The following CCDC149 variants were observed in gnomAD, a reference collection of about 807,000 sequenced individuals.
CCDC149 encodes the protein coiled-coil domain-containing protein 149.
Under a neutral mutation model 59.9 loss-of-function variants are expected in CCDC149, and 45 were observed. The observed-to-expected ratio is 0.75, with a 90% CI of 0.59 to 0.96. The LOEUF (loss-of-function observed/expected upper bound fraction) is 0.96, where lower values mean the gene tolerates loss of function less well. CCDC149 is among the 40% of genes least tolerant of loss of function. The pLI is 0.00. For missense variants in CCDC149, 584 were observed against 664.7 expected (o/e 0.88, Z 1.33); for synonymous variants, 245 against 260.6 (o/e 0.94, Z 0.58).
chr4:24,865,748 A>T (rs1718656010), intron 3 of CCDC149, among the ~76,000 whole-genome samples: 1 of 152,134 alleles, frequency 6.6e-6, no homozygotes, highest in Admixed American at 6.5e-5. Flanking sequence ...CCACTTAGTG[A>T]CTCCATTAAT....
chr4:24,908,443 A>C (rs1259184802), intron 1 of CCDC149, among the ~76,000 whole-genome samples: 2 of 151,744 alleles, frequency 1.3e-5, no homozygotes, highest in Admixed American at 1.3e-4. Flanking sequence ...CATGCCTATA[A>C]TCCCATCACT....
intron 1 of CCDC149, among the ~76,000 whole-genome samples, chr4:24,971,534 G>T (rs368559368): frequency 1.6e-4 from 24 of 152,334 alleles, no homozygotes; most frequent in African/African-American, 5.1e-4. Flanking sequence ...AGCCACTATT[G>T]TCTGCAAAAG....
intron 1 of CCDC149, 137 bp from the exon 2 acceptor site, chr4:24,876,834 T>C: frequency 1.2e-6 from 1 of 816,042 alleles, no homozygotes; most frequent in Non-Finnish European, 1.9e-6. Flanking sequence ...AGAGACATTT[T>C]TCAGCAAATG....
intron 12 of CCDC149, among the ~76,000 whole-genome samples, chr4:24,817,949 G>A (rs1009031966): frequency 6.6e-6 from 1 of 152,170 alleles, no homozygotes; most frequent in African/African-American, 2.4e-5. Flanking sequence ...GCAAGACAGT[G>A]GAGAGCCACT....
At chr4:24,819,998 G>A (rs1332880721) in intron 11 of CCDC149, 23 bp from the exon 12 acceptor site, 2 of 1,514,530 alleles carry the variant, frequency 1.3e-6, no homozygotes, top group Admixed American at 4.0e-5. Context: ...AGAGGAAAAT[G>A]GATGTCTTAT....
chr4:24,813,128 G>T (rs1714740774), intron 12 of CCDC149, among the ~76,000 whole-genome samples: 1 of 152,046 alleles, frequency 6.6e-6, no homozygotes, highest in Non-Finnish European at 1.5e-5. Context: ...AATGGGATTT[G>T]TACCCTTATA....
intron 1 of CCDC149, among the ~76,000 whole-genome samples, chr4:24,919,160 G>C (rs988372781): frequency 6.6e-6 from 1 of 152,164 alleles, no homozygotes; most frequent in African/African-American, 2.4e-5. Flanking sequence ...TGCCGTAAGA[G>C]AGGCTTAGCA....
rs191079849 is a variant in CCDC149 at position 24,819,861 on chromosome 4, T to C, written c.1190A>G (p.Asp397Gly). 2.5e-5 allele frequency: 39 copies of C among 1,550,452 alleles called. No individual in the cohort carries two copies. In the East Asian group the frequency reaches 9.0e-4, roughly 36 times the overall value. Residue 397 changes from aspartate (D) to glycine (G), a missense_variant and splice_region_variant, in exon 12 of 13, where the codon GAT (aspartate) becomes GGT (glycine). Coordinates refer to ENST00000635206, the MANE Select transcript of CCDC149 (RefSeq NM_001330643.2). The stretch of plus-strand genomic sequence containing the variant: ...TGGAGAAATCGAGGCGTGCTTACCA[T>C]CCTTGGGATCTGCTTTGTTCTCAGT...
intron 10 of CCDC149, among the ~76,000 whole-genome samples, chr4:24,821,862 C>T (rs1235315668): frequency 6.6e-6 from 1 of 152,006 alleles, no homozygotes; most frequent in Non-Finnish European, 1.5e-5. Flanking sequence ...ACCAGAGCTT[C>T]CAAACACAGT....
At chr4:24,889,838 A>G (rs891609754) in intron 1 of CCDC149, among the ~76,000 whole-genome samples, 2 of 152,070 alleles carry the variant, frequency 1.3e-5, no homozygotes, top group African/African-American at 4.8e-5. Context: ...TAGAAATCCT[A>G]AAAAATACCC....
intron 1 of CCDC149, among the ~76,000 whole-genome samples, chr4:24,926,518 C>T (rs879774209): frequency 1.3e-5 from 2 of 152,136 alleles, no homozygotes; most frequent in Non-Finnish European, 2.9e-5. Flanking sequence ...GCGGAGTGTC[C>T]CAGTGCTAAT....
chr4:24,813,489 A>AATATATCTATATCTATATCTATATAT (rs1186488610), intron 12 of CCDC149, among the ~76,000 whole-genome samples: 1 of 113,734 alleles, frequency 8.8e-6, no homozygotes, highest in African/African-American at 4.0e-5. Flanking sequence ...CAGCTTGGGG[A>AATATATCTATATCTATATCTATATAT]ATATATATAT....
chr4:24,908,702 AAAC>A (rs1459326278), intron 1 of CCDC149, among the ~76,000 whole-genome samples: 1 of 152,186 alleles, frequency 6.6e-6, no homozygotes, highest in East Asian at 1.9e-4. Flanking sequence ...CTCATCTCTA[AAAC>A]AACAACGACA....
intron 2 of CCDC149, among the ~76,000 whole-genome samples, chr4:24,876,241 C>T (rs1181688307): frequency 2.6e-5 from 4 of 151,676 alleles, no homozygotes; most frequent in African/African-American, 9.7e-5. Context: ...ACTGCAAACA[C>T]ACATGAATAT....
At chr4:24,862,804 T>C (rs1718462613) in intron 3 of CCDC149, among the ~76,000 whole-genome samples, 1 of 152,358 alleles carries the variant, frequency 6.6e-6, no homozygotes, top group African/African-American at 2.4e-5. Context: ...TTTGTTAAAA[T>C]GGCATATAAG....
At chr4:24,881,049 C>T (rs1188125745) in intron 1 of CCDC149, among the ~76,000 whole-genome samples, 1 of 152,202 alleles carries the variant, frequency 6.6e-6, no homozygotes, top group African/African-American at 2.4e-5. Context: ...GCTTTCTCTG[C>T]CTTGTCTAAG....
At chr4:24,853,026 G>A (rs80250349) in intron 4 of CCDC149, 46 bp downstream of exon 4, 13,591 of 1,207,256 alleles carry the variant, frequency 0.011, 105 homozygotes, top group Non-Finnish European at 0.013. Flanking sequence ...AACCTCGAAC[G>A]CACAATGTTG....
At chr4:24,832,110 C>A (rs1716192462) in intron 8 of CCDC149, among the ~76,000 whole-genome samples, 1 of 152,096 alleles carries the variant, frequency 6.6e-6, no homozygotes, top group African/African-American at 2.4e-5. Context: ...TGTGTGATAC[C>A]CCTGGCAGGT....
In CCDC149 at chr4:24,818,570, G is replaced by A. The variant is rs371122440; in HGVS notation, c.1192+1289C>T. Among the ~76,000 whole-genome samples, 35 of 152,286 alleles carry A rather than the reference G, an allele frequency of 2.3e-4. 1 individual carries two copies. The South Asian group carries it at 6.8e-3, about 30-fold the overall frequency. On this transcript the variant is annotated intron_variant, in intron 12 of 12. Coordinates refer to ENST00000635206, the MANE Select transcript of CCDC149 (RefSeq NM_001330643.2). Reference sequence around the variant, plus strand: ...TCTGGCTAACGGTCTCTCATGAGGCGCCCATGAAAAGCTGACCAGGGCTGT... The same window carrying A: ...TCTGGCTAACGGTCTCTCATGAGGCACCCATGAAAAGCTGACCAGGGCTGT...
Sources: allele counts gnomAD v4.1 joint callset (sites outside exome capture counted in the v4.1 genomes callset), GRCh38; gene constraint gnomAD v4.1.1; transcripts MANE v1.5; gene names NCBI Gene and HGNC (gene_info 2026-07-23, HGNC 2026-07-21).